PRH1: variants seen among roughly 807,000 people sequenced by gnomAD.
PRH1 encodes the protein proline rich protein HaeIII subfamily 1.
A neutral mutation model predicts 7.9 loss-of-function variants in PRH1; 7 were observed. The observed-to-expected ratio is 0.89, with a 90% CI of 0.50 to 1.67. The LOEUF (loss-of-function observed/expected upper bound fraction) is 1.67, where lower values mean the gene tolerates loss of function less well. Ranked by LOEUF, PRH1 falls within the 40% of genes most tolerant of loss-of-function variation. The pLI is 0.00. For synonymous variants in PRH1, 45 were observed against 80.8 expected (o/e 0.56, Z 2.38); for missense variants, 109 against 223.6 (o/e 0.49, Z 3.27).
chr12:11,058,940 C>T (rs956836988), intron 1 of PRH1, among the ~76,000 whole-genome samples: 1 of 152,308 alleles, frequency 6.6e-6, no homozygotes, highest in Non-Finnish European at 1.5e-5. Context: ...TCACTATCTC[C>T]TATTCCCCTG....
chr12:11,137,036 A>G (rs1275259558), intron 1 of PRH1, among the ~76,000 whole-genome samples: 2 of 152,212 alleles, frequency 1.3e-5, no homozygotes, highest in African/African-American at 4.8e-5. Flanking sequence ...CTTGGAAGAA[A>G]CCGGAAATTG....
chr12:11,154,850 A>T (rs935507174), intron 1 of PRH1, among the ~76,000 whole-genome samples: 5 of 152,202 alleles, frequency 3.3e-5, no homozygotes, highest in African/African-American at 1.2e-4. Flanking sequence ...TGCTTCAGGA[A>T]AGAGGATCAG....
chr12:10,885,898 G>T (rs746349578), upstream of PRH1, among the ~76,000 whole-genome samples: 18 of 152,182 alleles, frequency 1.2e-4, no homozygotes, highest in Admixed American at 2.0e-4. Context: ...GTCTGGTATG[G>T]CTCTTCTGAA....
At chr12:11,151,569 C>CT (rs1271492063) in intron 1 of PRH1, among the ~76,000 whole-genome samples, 1 of 152,104 alleles carries the variant, frequency 6.6e-6, no homozygotes, top group Non-Finnish European at 1.5e-5. Flanking sequence ...TGCTCTCTTC[C>CT]TTTTTTTGCC....
downstream of PRH1, among the ~76,000 whole-genome samples, chr12:11,119,447 A>C (rs573705380): frequency 2.6e-5 from 4 of 152,224 alleles, no homozygotes; most frequent in Non-Finnish European, 4.4e-5. Context: ...TTGTAACAAA[A>C]AAGAGTAAAT....
At chr12:11,033,238 G>A (rs1264472129) in intron 1 of PRH1, among the ~76,000 whole-genome samples, 2 of 152,082 alleles carry the variant, frequency 1.3e-5, no homozygotes, top group Non-Finnish European at 2.9e-5. Context: ...ATGGTGGTGT[G>A]CACCTGTATT....
At chr12:11,016,304 G>A (rs1941290086) in intron 1 of PRH1, among the ~76,000 whole-genome samples, 1 of 152,190 alleles carries the variant, frequency 6.6e-6, no homozygotes, top group Admixed American at 6.5e-5. Flanking sequence ...GACACTTTGT[G>A]CTCCTTCCCC....
chr12:11,051,330 T>C (rs1358881449), upstream of PRH1, among the ~76,000 whole-genome samples: 2 of 152,204 alleles, frequency 1.3e-5, no homozygotes, highest in Non-Finnish European at 2.9e-5. Flanking sequence ...CTAATTAAAA[T>C]CTTTTAGAGC....
At chr12:10,977,152 A>T (rs543902451) in intron 1 of PRH1, among the ~76,000 whole-genome samples, 1 of 152,298 alleles carries the variant, frequency 6.6e-6, no homozygotes, top group South Asian at 2.1e-4. Context: ...ATAAACACAG[A>T]TGAAAAAGTA....
intron 1 of PRH1, among the ~76,000 whole-genome samples, chr12:11,104,334 T>C (rs931924311): frequency 6.6e-6 from 1 of 152,150 alleles, no homozygotes; most frequent in Non-Finnish European, 1.5e-5. Flanking sequence ...TATGTTTCAC[T>C]GTAGGGTTTT....
intron 1 of PRH1, among the ~76,000 whole-genome samples, chr12:11,011,493 C>T (rs58622223): frequency 0.041 from 6,253 of 152,122 alleles, 416 homozygotes; most frequent in African/African-American, 0.14. Context: ...CATGCAAATA[C>T]AGACATATTT....
At chr12:10,918,298 G>A (rs2135842385) in intron 2 of PRH1, among the ~76,000 whole-genome samples, 1 of 152,154 alleles carries the variant, frequency 6.6e-6, no homozygotes, top group South Asian at 2.1e-4. Context: ...AGGTTGATAG[G>A]TGCAGCAAAC....
chr12:10,950,201 C>T (rs1950547928), intron 2 of PRH1, among the ~76,000 whole-genome samples: 1 of 152,086 alleles, frequency 6.6e-6, no homozygotes, highest in Admixed American at 6.6e-5. Context: ...TATTAAAACA[C>T]AGTGATACAC....
intron 1 of PRH1, among the ~76,000 whole-genome samples, chr12:11,094,290 A>C (rs1168228593): frequency 1.6e-5 from 1 of 60,642 alleles, no homozygotes; most frequent in Non-Finnish European, 4.2e-5. Context: ...TGACAGACCA[A>C]GACTCTGTCA....
intron 1 of PRH1, among the ~76,000 whole-genome samples, chr12:11,075,048 G>A (rs1681949376): frequency 2.2e-5 from 3 of 139,148 alleles, no homozygotes; most frequent in Non-Finnish European, 4.8e-5. Flanking sequence ...TTGCTACCCT[G>A]GACTTGCCTT....
At position 11,096,199 on chromosome 12, in the gene PRH1, G is replaced by C. The variant is rs561102372; in HGVS notation, n.124-49011C>G. ...CTTCTGGAACTGCAGAAGTATGTTA[G>C]TTGTTCTGATTGTAGCTTCACTGTC... On this transcript the variant is annotated intron_variant and non_coding_transcript_variant, in intron 1 of 4. Coordinates refer to the PRH1 transcript ENST00000541977. Among the ~76,000 whole-genome samples the C allele has an allele frequency of 9.5e-5, 11 of 115,540 alleles. 2 individuals carry two copies. In the South Asian group the frequency reaches 2.6e-3, roughly 27 times the overall value. The allele number at this position is 115,540 out of a possible 152,430, so 75.8% of individuals were successfully genotyped here. A position where few individuals can be genotyped will look rare whatever the true frequency, so the allele number is the denominator to read the frequency against.
chr12:11,133,357 A>G (rs771651806), intron 1 of PRH1: 12 of 1,608,970 alleles, frequency 7.5e-6, no homozygotes, highest in Non-Finnish European at 5.1e-6. Flanking sequence ...AGTACCTCAC[A>G]TGCCGCAAAA....
chr12:11,051,490 A>G (rs973741229), upstream of PRH1, among the ~76,000 whole-genome samples: 3 of 152,216 alleles, frequency 2.0e-5, no homozygotes, highest in African/African-American at 7.2e-5. Flanking sequence ...AATGGAAAAC[A>G]TAGCAATATG....
At chr12:11,137,248 C>T (rs1319054137) in intron 1 of PRH1, among the ~76,000 whole-genome samples, 1 of 152,152 alleles carries the variant, frequency 6.6e-6, no homozygotes, top group Non-Finnish European at 1.5e-5. Flanking sequence ...GAAATCAAGG[C>T]TTCTTCATTT....
Sources: allele counts gnomAD v4.1 joint callset (sites outside exome capture counted in the v4.1 genomes callset), GRCh38; gene constraint gnomAD v4.1.1; transcripts MANE v1.5; gene names NCBI Gene and HGNC (gene_info 2026-07-23, HGNC 2026-07-21).